NKAIN3: variants seen among roughly 807,000 people sequenced by gnomAD.
NKAIN3 encodes the protein sodium/potassium transporting ATPase interacting 3.
A neutral mutation model predicts 30.2 loss-of-function variants in NKAIN3; 25 were observed. The observed-to-expected ratio is 0.83, with a 90% CI of 0.60 to 1.16. NKAIN3 has a LOEUF of 1.16. NKAIN3 is among the 50% of genes most tolerant of loss of function. NKAIN3 has a pLI of 0.00. For synonymous variants in NKAIN3, 91 were observed against 89.6 expected, an observed-to-expected ratio of 1.02 and a Z score of -0.09; for missense variants, 225 against 254.1, an observed-to-expected ratio of 0.89 and a Z score of 0.78.
chr8:62,302,499 T>C (rs1276550150), intron 1 of NKAIN3, among the ~76,000 whole-genome samples: 1 of 152,048 alleles, frequency 6.6e-6, no homozygotes, highest in Non-Finnish European at 1.5e-5. Context: ...AGTATAAACA[T>C]TAATTTAAAA....
intron 3 of NKAIN3, among the ~76,000 whole-genome samples, chr8:62,680,821 T>G (rs1162256083): frequency 1.3e-5 from 2 of 152,204 alleles, no homozygotes; most frequent in African/African-American, 4.8e-5. Context: ...TATATAAATT[T>G]TCCTTGCTGA....
chr8:62,643,592 A>G (rs545708533), intron 3 of NKAIN3, among the ~76,000 whole-genome samples: 21 of 152,180 alleles, frequency 1.4e-4, no homozygotes, highest in African/African-American at 5.1e-4. Context: ...CACATTCCCT[A>G]TATCTGAAGG....
At chr8:62,952,401 C>T (rs1823308366) in intron 5 of NKAIN3, among the ~76,000 whole-genome samples, 1 of 152,116 alleles carries the variant, frequency 6.6e-6, no homozygotes, top group African/African-American at 2.4e-5. Flanking sequence ...AAAGTGTTTT[C>T]AAAATCTATA....
chr8:62,381,961 A>G (rs1817293420), intron 1 of NKAIN3, among the ~76,000 whole-genome samples: 1 of 152,146 alleles, frequency 6.6e-6, no homozygotes, highest in Admixed American at 6.6e-5. Context: ...TCCTTCTACT[A>G]AAGTAATGCC....
intron 3 of NKAIN3, among the ~76,000 whole-genome samples, chr8:62,693,542 G>A (rs981635643): frequency 6.6e-6 from 1 of 152,194 alleles, no homozygotes; most frequent in African/African-American, 2.4e-5. Flanking sequence ...TCTGACAACA[G>A]TACACACAAT....
chr8:62,791,577 C>G (rs939446846), intron 4 of NKAIN3, among the ~76,000 whole-genome samples: 40 of 151,952 alleles, frequency 2.6e-4, no homozygotes, highest in African/African-American at 9.2e-4. Context: ...ATGTGTAGAC[C>G]AAGACATAAA....
rs554477082 is a variant in NKAIN3, at chr8:62,368,424, A to G, written c.54+119297A>G. Among the ~76,000 whole-genome samples the G allele has an allele frequency of 5.3e-5, 8 of 152,320 alleles. No homozygotes were observed. In the East Asian group the frequency reaches 5.8e-4, roughly 11 times the overall value. On this transcript the variant is annotated intron_variant, in intron 1 of 6. Transcript: ENST00000623646. ...TTTACAGTCAACTGATTTTTGACAA[A>G]TGTGTTGAGAACACACACAGAAAGG...
intron 1 of NKAIN3, among the ~76,000 whole-genome samples, chr8:62,430,681 T>C (rs2129597441): frequency 6.6e-6 from 1 of 151,900 alleles, no homozygotes; most frequent in East Asian, 1.9e-4. Flanking sequence ...AGGGGGTAGA[T>C]GTTAAAATTT....
At chr8:62,520,279 T>C (rs1225407538) in intron 1 of NKAIN3, among the ~76,000 whole-genome samples, 1 of 152,138 alleles carries the variant, frequency 6.6e-6, no homozygotes, top group African/African-American at 2.4e-5. Flanking sequence ...AGATTTATGA[T>C]ACTTAGGGAA....
intron 5 of NKAIN3, among the ~76,000 whole-genome samples, chr8:62,948,824 A>T (rs1823201107): frequency 6.6e-6 from 1 of 152,202 alleles, no homozygotes; most frequent in South Asian, 2.1e-4. Context: ...CTCTTTCTTC[A>T]TCTAACGGTG....
chr8:62,377,885 T>A (rs908028769), intron 1 of NKAIN3, among the ~76,000 whole-genome samples: 4 of 152,124 alleles, frequency 2.6e-5, no homozygotes, highest in African/African-American at 9.7e-5. Context: ...TGCTTCATAG[T>A]GATGTGAGAA....
downstream of NKAIN3, among the ~76,000 whole-genome samples, chr8:62,987,166 C>T (rs776501274): frequency 1.6e-4 from 24 of 152,086 alleles, no homozygotes; most frequent in Non-Finnish European, 2.9e-4. Context: ...GTGGCTGAAT[C>T]GCTTGAGTTC....
At chr8:62,855,699 T>C (rs1369836975) in intron 4 of NKAIN3, 2 of 1,594,580 alleles carry the variant, frequency 1.3e-6, no homozygotes, top group Non-Finnish European at 1.7e-6. Flanking sequence ...CTTCTGCATG[T>C]GAAGCGGAGC....
At chr8:62,523,236 T>C (rs1375521731) in intron 1 of NKAIN3, among the ~76,000 whole-genome samples, 1 of 152,198 alleles carries the variant, frequency 6.6e-6, no homozygotes, top group Non-Finnish European at 1.5e-5. Flanking sequence ...CAGCGGACTA[T>C]ACTGTATACT....
At chr8:62,346,904 A>C (rs780369281) in intron 1 of NKAIN3, among the ~76,000 whole-genome samples, 5 of 152,142 alleles carry the variant, frequency 3.3e-5, no homozygotes, top group Non-Finnish European at 5.9e-5. Flanking sequence ...TGAATGACAT[A>C]ACATCCCCAC....
chr8:62,987,659 C>T (rs948587965), downstream of NKAIN3, among the ~76,000 whole-genome samples: 1 of 151,552 alleles, frequency 6.6e-6, no homozygotes, highest in African/African-American at 2.4e-5. Context: ...AATAACCTCC[C>T]ACTGGGTCCC....
chr8:62,526,844 G>A (rs548372197), intron 1 of NKAIN3, among the ~76,000 whole-genome samples: 58 of 152,172 alleles, frequency 3.8e-4, no homozygotes, highest in African/African-American at 1.2e-3. Context: ...GGCTTAGCCC[G>A]CAGCGATCAG....
rs924403882 is a variant in NKAIN3 at position 62,532,163 on chromosome 8, C to T, written c.55-47376C>T. Among the ~76,000 whole-genome samples the T allele has an allele frequency of 2.0e-5, 3 of 152,112 alleles. No individual in the cohort carries two copies. The South Asian group carries it at 6.2e-4, about 32-fold the overall frequency. ...GGGGCTCTATTAAACTATTGTTTGTCGGTGTTGTCCATGAGAAATGAGATG... is the reference window on the plus strand; with the variant it reads ...GGGGCTCTATTAAACTATTGTTTGTTGGTGTTGTCCATGAGAAATGAGATG... On this transcript the variant is annotated intron_variant, in intron 1 of 6. Coordinates refer to ENST00000623646, the MANE Select transcript of NKAIN3 (RefSeq NM_001304533.3).
In NKAIN3 at chr8:62,579,587, G is replaced by A; in HGVS notation, c.103G>A (p.Ala35Thr). ...QIFDFLGFQW[A>T]PILGNFLHII... Reference sequence around the variant, plus strand: ...CTTTGACTTCCTTGGTTTCCAGTGGGCGCCTATTCTTGGAAATTTTCTACA... The same window carrying A: ...CTTTGACTTCCTTGGTTTCCAGTGGACGCCTATTCTTGGAAATTTTCTACA... The change falls in exon 2 of 7, where the codon GCG becomes ACG. Residue 35 changes from alanine to threonine, a missense_variant. Coordinates refer to ENST00000623646, the MANE Select transcript of NKAIN3 (RefSeq NM_001304533.3). 2 of 1,610,826 alleles carry A rather than the reference G, an allele frequency of 1.2e-6. No homozygotes were observed. The highest frequency in any genetic ancestry group is 1.7e-6 in the Non-Finnish European group (2 of 1,177,844).
Sources: allele counts gnomAD v4.1 joint callset (sites outside exome capture counted in the v4.1 genomes callset), GRCh38; gene constraint gnomAD v4.1.1; transcripts MANE v1.5; gene names NCBI Gene and HGNC (gene_info 2026-07-23, HGNC 2026-07-21).